Variants in FAM227B observed in about 807,000 individuals in gnomAD.
The protein encoded by FAM227B is protein FAM227B.
In FAM227B, 88 loss-of-function variants were observed where a neutral mutation model predicts 73.8. That is an observed-to-expected ratio of 1.19 (90% CI 1.00 to 1.42). The LOEUF is 1.42. Among genes scored for constraint, FAM227B ranks in the 40% most tolerant of loss-of-function variants. The pLI is 0.00. For synonymous variants in FAM227B, 210 were observed against 190.5 expected, an observed-to-expected ratio of 1.10 and a Z score of -0.84; for missense variants, 632 against 590.9, an observed-to-expected ratio of 1.07 and a Z score of -0.72.
At chr15:49,456,830 G>T (rs973151232) in intron 11 of FAM227B, among the ~76,000 whole-genome samples, 2 of 152,070 alleles carry the variant, frequency 1.3e-5, no homozygotes, top group African/African-American at 2.4e-5. Flanking sequence ...AGAATCAGTG[G>T]CAGTCCAACT....
intron 2 of FAM227B, among the ~76,000 whole-genome samples, chr15:49,613,723 T>C (rs1208228424): frequency 6.6e-6 from 1 of 152,098 alleles, no homozygotes; most frequent in Non-Finnish European, 1.5e-5. Context: ...TATCAAAAAT[T>C]ATCTCATGTA....
chr15:49,397,643 G>A (rs552612972), intron 11 of FAM227B, among the ~76,000 whole-genome samples: 10 of 152,324 alleles, frequency 6.6e-5, no homozygotes, highest in South Asian at 4.1e-4. Flanking sequence ...GACTAACAGC[G>A]GATCTCTTGG....
At chr15:49,537,331 A>C (rs1380535113) in intron 10 of FAM227B, among the ~76,000 whole-genome samples, 1 of 152,152 alleles carries the variant, frequency 6.6e-6, no homozygotes, top group African/African-American at 2.4e-5. Context: ...AAAGGTGCTC[A>C]ATATTAATTT....
At chr15:49,497,312 G>A (rs568763632) in intron 11 of FAM227B, among the ~76,000 whole-genome samples, 77 of 152,298 alleles carry the variant, frequency 5.1e-4, no homozygotes, top group South Asian at 2.1e-3. Context: ...TGAATCTTAT[G>A]TTCAGAGAAT....
intron 10 of FAM227B, among the ~76,000 whole-genome samples, chr15:49,524,023 TA>T (rs371349084): frequency 5.3e-5 from 8 of 150,986 alleles, no homozygotes; most frequent in Non-Finnish European, 8.9e-5. Flanking sequence ...GCACAAAAGA[TA>T]AAAAAAATTG....
At position 49,598,225 on chromosome 15, in the gene FAM227B, T is replaced by C. The variant is rs142552526; in HGVS notation, c.106-8218A>G. The stretch of plus-strand genomic sequence containing the variant: ...ATTTATCCATAAGTATTTTTTCATG[T>C]TATTGTAAAAGAGATTGTTTTCTTG... On this transcript the variant is annotated intron_variant, in intron 3 of 15. Transcript: ENST00000299338. Among the ~76,000 whole-genome samples, 979 of 152,068 alleles carry C rather than the reference T, an allele frequency of 6.4e-3. 3 individuals are homozygous for C. Among genetic ancestry groups the C allele is most frequent in the Non-Finnish European group, 0.011 (774 of 67,836 alleles).
At chr15:49,408,428 G>T (rs1470800282) in intron 11 of FAM227B, among the ~76,000 whole-genome samples, 2 of 152,184 alleles carry the variant, frequency 1.3e-5, no homozygotes, top group Non-Finnish European at 2.9e-5. Context: ...ATTATGCTTA[G>T]CCATTGGTGG....
At chr15:49,400,727 C>A (rs1162537929) in intron 11 of FAM227B, among the ~76,000 whole-genome samples, 1 of 150,446 alleles carries the variant, frequency 6.6e-6, no homozygotes, top group Admixed American at 6.6e-5. Context: ...CTTTGACAAA[C>A]CTGAGAAAAA....
At position 49,568,329 on chromosome 15, in the gene FAM227B, T is replaced by A; in HGVS notation, c.663A>T (p.Gln221His). Residue 221 changes from glutamine to histidine, a missense_variant, in exon 9 of 16, where the codon CAA (glutamine) becomes CAT (histidine). Physicochemically the swap from Gln to His is conservative, Grantham distance 24 (BLOSUM62 0). Coordinates refer to ENST00000299338, the MANE Select transcript of FAM227B (RefSeq NM_152647.3). ...CTGAAATTCTATCGAATAAGCAATC[T>A]TGGTTTTCTCTGTCAGGCTTAAAAA... ...LHKFRPDRENQDCLFDRISES... is the reference protein window; with the variant it reads ...LHKFRPDRENHDCLFDRISES... 1 of 1,610,312 alleles carries A rather than the reference T, an allele frequency of 6.2e-7. No individual in the cohort carries two copies. Among genetic ancestry groups the A allele is most frequent in the Non-Finnish European group, 8.5e-7 (1 of 1,178,376 alleles).
intron 11 of FAM227B, among the ~76,000 whole-genome samples, chr15:49,449,874 T>C (rs2052566072): frequency 6.6e-6 from 1 of 152,132 alleles, no homozygotes; most frequent in South Asian, 2.1e-4. Flanking sequence ...ACTGTCATCC[T>C]GTGAATTCTA....
chr15:49,387,096 C>G (rs1236849993), intron 11 of FAM227B, among the ~76,000 whole-genome samples: 1 of 151,842 alleles, frequency 6.6e-6, no homozygotes, highest in Non-Finnish European at 1.5e-5. Flanking sequence ...CCTACTGAAA[C>G]TATTCCAAAA....
intron 14 of FAM227B, among the ~76,000 whole-genome samples, chr15:49,332,061 C>T (rs1730497389): frequency 6.7e-6 from 1 of 149,962 alleles, no homozygotes; most frequent in Non-Finnish European, 1.5e-5. Flanking sequence ...GTTCAGACAC[C>T]CACCCCCGCT....
At chr15:49,422,934 C>CTA (rs1374846093) in intron 11 of FAM227B, among the ~76,000 whole-genome samples, 3 of 152,034 alleles carry the variant, frequency 2.0e-5, no homozygotes, top group Non-Finnish European at 2.9e-5. Flanking sequence ...TTAAAAAACC[C>CTA]TATATATATG....
intron 14 of FAM227B, among the ~76,000 whole-genome samples, chr15:49,332,131 C>G (rs999380058): frequency 5.4e-5 from 8 of 149,372 alleles, no homozygotes; most frequent in Non-Finnish European, 1.0e-4. Flanking sequence ...CCACAACAGT[C>G]ATACACTTAG....
At chr15:49,477,591 G>A (rs974492918) in intron 11 of FAM227B, among the ~76,000 whole-genome samples, 2 of 152,166 alleles carry the variant, frequency 1.3e-5, no homozygotes, top group Non-Finnish European at 2.9e-5. Context: ...TATTGGATAT[G>A]TGGGTTGCGT....
chr15:49,544,074 G>A (rs1340655968), intron 9 of FAM227B, among the ~76,000 whole-genome samples: 2 of 152,042 alleles, frequency 1.3e-5, no homozygotes, highest in African/African-American at 2.4e-5. Flanking sequence ...TTTGTAGGTT[G>A]CTTTTGGCAG....
rs2075873351 is a variant in FAM227B, at chr15:49,582,435, T to C, written c.406-4771A>G. Among the ~76,000 whole-genome samples, 3 of 152,198 alleles carry C rather than the reference T, an allele frequency of 2.0e-5. 1 individual carries two copies. In the South Asian group the frequency reaches 6.2e-4, roughly 31 times the overall value. ...ATTCAACAAGAAGACCTAACTATCC[T>C]AAATATATATGCACCCAACACAGGA... On this transcript the variant is annotated intron_variant, in intron 5 of 15. Coordinates refer to ENST00000299338, the MANE Select transcript of FAM227B (RefSeq NM_152647.3).
At chr15:49,383,710 G>A (rs1386251912) in intron 11 of FAM227B, among the ~76,000 whole-genome samples, 1 of 151,942 alleles carries the variant, frequency 6.6e-6, no homozygotes, top group African/African-American at 2.4e-5. Flanking sequence ...AACAGATGAC[G>A]GACATAAGAA....
chr15:49,525,222 T>C (rs904734105), intron 10 of FAM227B, among the ~76,000 whole-genome samples: 1 of 152,076 alleles, frequency 6.6e-6, no homozygotes, highest in African/African-American at 2.4e-5. Context: ...AATTGAATCA[T>C]GGGGGCAGGT....
Sources: allele counts gnomAD v4.1 joint callset (sites outside exome capture counted in the v4.1 genomes callset), GRCh38; gene constraint gnomAD v4.1.1; transcripts MANE v1.5; gene names NCBI Gene and HGNC (gene_info 2026-07-23, HGNC 2026-07-21).